The following CPED1 variants were observed in gnomAD, a reference collection of about 807,000 sequenced individuals.
CPED1 encodes the protein cadherin like and PC-esterase domain containing 1, also known as cadherin-like and PC-esterase domain-containing protein 1.
CPED1 carries 114 observed loss-of-function variants against 128.2 expected under a neutral mutation model. The observed-to-expected ratio is 0.89, with a 90% confidence interval of 0.76 to 1.04. CPED1 has a LOEUF of 1.04. Ranked by LOEUF, CPED1 falls within the 50% of genes least tolerant of loss-of-function variation. The pLI, the probability that CPED1 is intolerant of heterozygous loss-of-function variation, is 0.00. For synonymous variants in CPED1, 462 were observed against 426.7 expected (o/e 1.08, Z -1.02); for missense variants, 1,211 against 1,207.1 (o/e 1.00, Z -0.05).
At chr7:121,154,899 A>G (rs1046394427) in intron 16 of CPED1, among the ~76,000 whole-genome samples, 1 of 152,208 alleles carries the variant, frequency 6.6e-6, no homozygotes, top group African/African-American at 2.4e-5. Context: ...TACGGTTTTC[A>G]TTCTTGATTC....
intron 22 of CPED1, among the ~76,000 whole-genome samples, chr7:121,284,592 A>G (rs554640314): frequency 4.6e-5 from 7 of 152,350 alleles, no homozygotes; most frequent in African/African-American, 1.7e-4. Context: ...CACCCATTCC[A>G]AAGGGGATAA....
chr7:121,288,430 G>C (rs1359886453), intron 22 of CPED1, among the ~76,000 whole-genome samples: 1 of 152,166 alleles, frequency 6.6e-6, no homozygotes, highest in Non-Finnish European at 1.5e-5. Flanking sequence ...GAAGCTACAA[G>C]TAACCCCATC....
chr7:121,091,306 T>C (rs1368943798), intron 5 of CPED1, among the ~76,000 whole-genome samples: 5 of 152,068 alleles, frequency 3.3e-5, no homozygotes, highest in African/African-American at 1.2e-4. Flanking sequence ...CAATGCAAAA[T>C]TTGAGGAGGA....
intron 5 of CPED1, among the ~76,000 whole-genome samples, chr7:121,074,196 T>G (rs1009626450): frequency 1.3e-5 from 2 of 151,868 alleles, no homozygotes; most frequent in Admixed American, 1.3e-4. Flanking sequence ...TTCTGTGTGA[T>G]CAGGGTCATT....
At chr7:121,071,834 C>G (rs892861048) in intron 5 of CPED1, among the ~76,000 whole-genome samples, 2 of 152,100 alleles carry the variant, frequency 1.3e-5, no homozygotes, top group Non-Finnish European at 2.9e-5. Flanking sequence ...TATCCATGAT[C>G]TCATTTCTCT....
At chr7:121,190,492 A>T (rs1158854062) in intron 16 of CPED1, among the ~76,000 whole-genome samples, 1 of 151,958 alleles carries the variant, frequency 6.6e-6, no homozygotes, top group Non-Finnish European at 1.5e-5. Flanking sequence ...TAGTTTTTAA[A>T]AAGATATGTC....
At chr7:121,212,697 A>G (rs1797675449) in intron 16 of CPED1, among the ~76,000 whole-genome samples, 1 of 18,404 alleles carries the variant, frequency 5.4e-5, no homozygotes, top group Non-Finnish European at 1.2e-4. Context: ...AATTCATTGG[A>G]AAAAAAAATG....
At chr7:121,202,857 T>C (rs573395198) in intron 16 of CPED1, among the ~76,000 whole-genome samples, 1 of 152,252 alleles carries the variant, frequency 6.6e-6, no homozygotes, top group East Asian at 1.9e-4. Flanking sequence ...GAGTCAATGC[T>C]ATAACCCAGG....
At chr7:121,005,321 G>A (rs559432135) in intron 2 of CPED1, among the ~76,000 whole-genome samples, 178 of 152,198 alleles carry the variant, frequency 1.2e-3, no homozygotes, top group Middle Eastern at 6.8e-3. Context: ...TCTTTATCCA[G>A]TCTATCTTTG....
At chr7:121,043,747 A>T (rs1265832442) in intron 3 of CPED1, among the ~76,000 whole-genome samples, 1 of 152,208 alleles carries the variant, frequency 6.6e-6, no homozygotes, top group Admixed American at 6.5e-5. Flanking sequence ...ACCCAGTGTT[A>T]CCAGAGCTTC....
At chr7:121,042,391 G>A (rs1793082290) in intron 3 of CPED1, among the ~76,000 whole-genome samples, 1 of 152,146 alleles carries the variant, frequency 6.6e-6, no homozygotes, top group Non-Finnish European at 1.5e-5. Context: ...GTACCAGACA[G>A]TGAGAGAGAA....
chr7:121,029,522 C>T (rs1399962972), intron 3 of CPED1, among the ~76,000 whole-genome samples: 1 of 152,150 alleles, frequency 6.6e-6, no homozygotes, highest in Non-Finnish European at 1.5e-5. Flanking sequence ...GAATGGCAGG[C>T]ACGTTCCACA....
intron 22 of CPED1, among the ~76,000 whole-genome samples, chr7:121,287,800 A>G (rs1287114803): frequency 2.6e-4 from 39 of 152,150 alleles, no homozygotes; most frequent in Admixed American, 2.6e-3. Flanking sequence ...TGTGCTTTTT[A>G]ATGACTCATT....
intron 2 of CPED1, among the ~76,000 whole-genome samples, chr7:121,008,472 A>T (rs1204465036): frequency 6.6e-6 from 1 of 152,182 alleles, no homozygotes; most frequent in African/African-American, 2.4e-5. Context: ...GAAAAAAGAC[A>T]ATTCTTCAAG....
rs111489020 is a variant in CPED1 at position 121,181,058 on chromosome 7, G to A, written c.2055+38917G>A. Among the ~76,000 whole-genome samples the A allele has an allele frequency of 1.3e-3, 196 of 152,206 alleles. 3 individuals are homozygous for A. The highest frequency in any genetic ancestry group is 4.5e-3 in the African/African-American group (187 of 41,554). On this transcript the variant is annotated intron_variant, in intron 16 of 22. Coordinates refer to ENST00000310396, the MANE Select transcript of CPED1 (RefSeq NM_024913.5). ...CATCATGTTCAAGAAATAGTCAACA[G>A]TAAGGGTTCTACTGTACTCAAGGAA...
intron 3 of CPED1, among the ~76,000 whole-genome samples, chr7:121,021,939 G>A (rs1792451652): frequency 6.6e-6 from 1 of 151,908 alleles, no homozygotes; most frequent in African/African-American, 2.4e-5. Context: ...AACTTGATAG[G>A]TGTTTTTCAA....
rs76671688 is a variant in CPED1, at chr7:121,123,385, G to A, written c.919-946G>A. ...CAAAAGTTTTTCACTTTGCAATCCT[G>A]TGTAGTCTGGATAGATTTAGTCTGT... On this transcript the variant is annotated intron_variant, in intron 7 of 22. Transcript: ENST00000310396. Among the ~76,000 whole-genome samples, 659 of 152,202 alleles carry A rather than the reference G, an allele frequency of 4.3e-3. 5 individuals are homozygous for A. The highest frequency in any genetic ancestry group is 0.015 in the African/African-American group (639 of 41,530).
intron 16 of CPED1, among the ~76,000 whole-genome samples, chr7:121,150,113 T>C (rs956029179): frequency 6.6e-6 from 1 of 151,834 alleles, no homozygotes; most frequent in African/African-American, 2.4e-5. Context: ...CATGAGTATG[T>C]TTTGTGATGC....
intron 3 of CPED1, among the ~76,000 whole-genome samples, chr7:121,019,807 ATTCTCTAAAGGAGAATTCC>A (rs1204782448): frequency 1.3e-5 from 2 of 152,028 alleles, no homozygotes; most frequent in Non-Finnish European, 2.9e-5. Context: ...AGAACATATA[ATTCTCTAAAGGAGAATTCC>A]TTCTCTAAAG....
Sources: allele counts gnomAD v4.1 joint callset (sites outside exome capture counted in the v4.1 genomes callset), GRCh38; gene constraint gnomAD v4.1.1; transcripts MANE v1.5; gene names NCBI Gene and HGNC (gene_info 2026-07-23, HGNC 2026-07-21).